GPD2: variants seen among roughly 807,000 people sequenced by gnomAD.
GPD2 encodes glycerol-3-phosphate dehydrogenase, mitochondrial.
Under a neutral mutation model 82.4 loss-of-function variants are expected in GPD2, and 54 were observed. The ratio of observed to expected loss-of-function variants is 0.66; its 90% CI spans 0.53 to 0.82. GPD2 has a LOEUF of 0.82. Among genes scored for constraint, GPD2 ranks in the 40% least tolerant of loss-of-function variants. GPD2 has a pLI of 0.00. For missense variants in GPD2, 748 were observed against 896.2 expected (o/e 0.83, Z 2.11); for synonymous variants, 288 against 306.1 (o/e 0.94, Z 0.62).
chr2:156,501,353 G>A (rs368678758), intron 3 of GPD2, among the ~76,000 whole-genome samples: 5 of 152,156 alleles, frequency 3.3e-5, no homozygotes, highest in African/African-American at 1.2e-4. Flanking sequence ...GCAGTATAGC[G>A]CAGTGATTAA....
At chr2:156,453,244 G>A (rs1202172700) in intron 1 of GPD2, among the ~76,000 whole-genome samples, 1 of 152,162 alleles carries the variant, frequency 6.6e-6, no homozygotes, top group Non-Finnish European at 1.5e-5. Context: ...AGCATGAAGA[G>A]AGGAGCAAGG....
At chr2:156,513,591 A>C in intron 6 of GPD2, 95 bp downstream of exon 6, 2 of 952,994 alleles carry the variant, frequency 2.1e-6, no homozygotes. Context: ...TTGCATCTTT[A>C]AATACTAATC....
chr2:156,551,730 T>C (rs1199840447), intron 8 of GPD2, among the ~76,000 whole-genome samples: 1 of 152,180 alleles, frequency 6.6e-6, no homozygotes, highest in Admixed American at 6.5e-5. Context: ...ATAAATACTT[T>C]TAATGCCCTA....
At chr2:156,540,352 C>T (rs1247328011) in intron 6 of GPD2, among the ~76,000 whole-genome samples, 2 of 152,178 alleles carry the variant, frequency 1.3e-5, no homozygotes, top group African/African-American at 4.8e-5. Flanking sequence ...TTGAGAGCGT[C>T]GGACTGGCAA....
intron 1 of GPD2, among the ~76,000 whole-genome samples, chr2:156,451,463 G>T (rs1682574515): frequency 2.4e-5 from 1 of 41,618 alleles, no homozygotes; most frequent in African/African-American, 8.3e-5. Context: ...CTGGCCGGGC[G>T]GGGGGCTGAC....
At chr2:156,438,171 C>T (rs1309093611) in intron 1 of GPD2, among the ~76,000 whole-genome samples, 2 of 152,074 alleles carry the variant, frequency 1.3e-5, no homozygotes, top group African/African-American at 4.8e-5. Context: ...TCTCAATGAG[C>T]GACTGAACTG....
chr2:156,404,188 T>G, the GPD2 span, among the ~76,000 whole-genome samples: 2 of 151,850 alleles, frequency 1.3e-5, no homozygotes, highest in African/African-American at 4.8e-5. Context: ...GGCAACATAG[T>G]GAGACCTTGT....
the GPD2 span, among the ~76,000 whole-genome samples, chr2:156,411,394 C>T: frequency 3.3e-5 from 5 of 152,082 alleles, no homozygotes; most frequent in African/African-American, 1.2e-4. Context: ...TGGCTCGCTG[C>T]AACCTCCACC....
At chr2:156,521,695 A>G (rs1445557010) in intron 6 of GPD2, among the ~76,000 whole-genome samples, 1 of 152,232 alleles carries the variant, frequency 6.6e-6, no homozygotes, top group Non-Finnish European at 1.5e-5. Context: ...ACATATGAAC[A>G]TGCCTCAGGT....
Position 156,513,390 on chromosome 2 carries a change from A to G in GPD2, c.555A>G (p.Gly185=). ...TCAAGCTGTATGATTTGGTTGCAGG[A>G]AGCAATTGCCTAAAAAGCAGTTATG... ...VGIKLYDLVA[G]SNCLKSSYVL... The change falls in exon 6 of 17, where the codon GGA becomes GGG. Residue 185 remains glycine (G), a synonymous_variant. Coordinates refer to ENST00000438166, the MANE Select transcript of GPD2 (RefSeq NM_000408.5). 1 of 1,612,252 alleles carries G rather than the reference A, an allele frequency of 6.2e-7. No homozygotes were observed. Among genetic ancestry groups the G allele is most frequent in the Non-Finnish European group, 8.5e-7 (1 of 1,178,968 alleles).
chr2:156,418,414 A>AG, the GPD2 span, among the ~76,000 whole-genome samples: 1 of 147,798 alleles, frequency 6.8e-6, no homozygotes, highest in Non-Finnish European at 1.5e-5. Context: ...GAGAGAGAGA[A>AG]AAAGAAAAAT....
At chr2:156,554,683 A>C (rs371385293) in intron 8 of GPD2, among the ~76,000 whole-genome samples, 11 of 152,322 alleles carry the variant, frequency 7.2e-5, no homozygotes, top group African/African-American at 2.6e-4. Context: ...AGTTATGGGT[A>C]GATGCTCTTC....
At chr2:156,419,770 G>T in the GPD2 span, among the ~76,000 whole-genome samples, 1 of 152,214 alleles carries the variant, frequency 6.6e-6, no homozygotes, top group African/African-American at 2.4e-5. Context: ...TTATAGTGAA[G>T]TGATTATCAA....
At chr2:156,517,206 C>A (rs1383376568) in intron 6 of GPD2, among the ~76,000 whole-genome samples, 1 of 152,144 alleles carries the variant, frequency 6.6e-6, no homozygotes, top group Non-Finnish European at 1.5e-5. Context: ...GATCCTCCCG[C>A]CTTGGCCTCC....
In GPD2 at chr2:156,496,157, C is replaced by T. The variant is rs1481688731; in HGVS notation, c.216C>T (p.Ile72=). The T allele has an allele frequency of 2.5e-6, 4 of 1,612,728 alleles. No homozygotes were observed. The highest frequency in any genetic ancestry group is 3.4e-6 in the Non-Finnish European group (4 of 1,178,776). ...LTLQNTSEFD[I]LVIGGGATGS... is the part of the protein sequence containing the mutation. ...TGCAAAACACATCTGAATTTGATATCCTTGTTATTGGAGGAGGAGCAACAG... is the reference window on the plus strand; with the variant it reads ...TGCAAAACACATCTGAATTTGATATTCTTGTTATTGGAGGAGGAGCAACAG... The change falls in exon 3 of 17, where the codon ATC becomes ATT. Residue 72 remains isoleucine (I), a synonymous_variant. Transcript: ENST00000438166.
rs181575248 is a variant in GPD2, at chr2:156,579,765, G to A, written c.2035G>A (p.Val679Ile). The A allele has an allele frequency of 5.2e-6, 8 of 1,550,312 alleles. No homozygotes were observed. Among genetic ancestry groups the A allele is most frequent in the Non-Finnish European group, 7.1e-6 (8 of 1,121,814 alleles). Residue 679 changes from valine to isoleucine, a missense_variant, in exon 16 of 17, where the codon GTT (valine) becomes ATT (isoleucine). Coordinates refer to ENST00000438166, the MANE Select transcript of GPD2 (RefSeq NM_000408.5). ...NEVDLNKNGQVELNEFLQLMS... is the reference protein window; with the variant it reads ...NEVDLNKNGQIELNEFLQLMS... ...AGTTGATTTGAATAAAAATGGACAGGTTGAACTCAATGAATTTTTGCAGGT... is the reference window on the plus strand; with the variant it reads ...AGTTGATTTGAATAAAAATGGACAGATTGAACTCAATGAATTTTTGCAGGT...
chr2:156,517,403 G>A (rs1376212432), intron 6 of GPD2, among the ~76,000 whole-genome samples: 1 of 152,228 alleles, frequency 6.6e-6, no homozygotes, highest in Non-Finnish European at 1.5e-5. Context: ...CAGACAGAGA[G>A]AATCTCAAAT....
the GPD2 span, among the ~76,000 whole-genome samples, chr2:156,414,996 C>T: frequency 2.6e-5 from 4 of 151,956 alleles, no homozygotes; most frequent in South Asian, 4.2e-4. Context: ...ACATTTTTTT[C>T]CCATAGGTTA....
intron 2 of GPD2, among the ~76,000 whole-genome samples, chr2:156,478,392 GA>G (rs1683592450): frequency 6.6e-6 from 1 of 152,144 alleles, no homozygotes. Flanking sequence ...AGTTGCATAA[GA>G]AATCCAACTA....
Sources: allele counts gnomAD v4.1 joint callset (sites outside exome capture counted in the v4.1 genomes callset), GRCh38; gene constraint gnomAD v4.1.1; transcripts MANE v1.5; gene names NCBI Gene and HGNC (gene_info 2026-07-23, HGNC 2026-07-21).